UNKL: variants seen among roughly 807,000 people sequenced by gnomAD.
UNKL encodes unk like zinc finger.
In UNKL, 60 loss-of-function variants were observed where a neutral mutation model predicts 78.0. The ratio of observed to expected loss-of-function variants is 0.77; its 90% CI spans 0.63 to 0.95. UNKL has a LOEUF of 0.95. UNKL is among the 40% of genes least tolerant of loss of function. The pLI, the probability that UNKL is intolerant of heterozygous loss-of-function variation, is 0.00. For missense variants in UNKL, 1,159 were observed against 1,045.7 expected (o/e 1.11, Z -1.49); for synonymous variants, 608 against 474.8 (o/e 1.28, Z -3.65).
At position 1,387,277 on chromosome 16, in the gene UNKL, T is replaced by G. The variant is rs898611556; in HGVS notation, c.1087-1892A>C. Among the ~76,000 whole-genome samples, 2 of 152,124 alleles carry G rather than the reference T, an allele frequency of 1.3e-5. No individual in the cohort carries two copies. Among genetic ancestry groups the G allele is most frequent in the Non-Finnish European group, 2.9e-5 (2 of 68,000 alleles). On this transcript the variant is annotated intron_variant, in intron 9 of 14. Coordinates refer to ENST00000389221, the MANE Select transcript of UNKL (RefSeq NM_001372107.1). The surrounding 1 kb of genome is among the most constrained non-coding windows in gnomAD (Gnocchi z 4.1). ...GCCAATACCCCCTATCAATCCCCCATGGTGAGCCTGGTGACAGGGTTGCTG... is the reference window on the plus strand; with the variant it reads ...GCCAATACCCCCTATCAATCCCCCAGGGTGAGCCTGGTGACAGGGTTGCTG...
intron 6 of UNKL, 66 bp from the exon 7 acceptor site, chr16:1,394,281 G>A: frequency 2.0e-6 from 3 of 1,510,688 alleles, no homozygotes; most frequent in Middle Eastern, 1.7e-4. Flanking sequence ...ACCACAGCTG[G>A]CATCATCCCA....
chr16:1,377,144 T>A (rs1307743748), intron 10 of UNKL, among the ~76,000 whole-genome samples: 1 of 152,088 alleles, frequency 6.6e-6, no homozygotes, highest in African/African-American at 2.4e-5. Flanking sequence ...TGCCTCAGCC[T>A]CCTGAGCAGC....
Position 1,364,511 on chromosome 16 carries a change from GC to G in UNKL, c.*1728del, listed in dbSNP as rs1019591753. ...AGCCAGGTCGCCGTAAACCACAGAT[GC>G]CTGTTCCTGCTCAACTCCTAGGGAC... On this transcript the variant is annotated 3_prime_UTR_variant, in exon 15 of 15. Transcript: ENST00000389221. The G allele has an allele frequency of 3.9e-5, 6 of 152,370 alleles. No individual in the cohort carries two copies. The highest frequency in any genetic ancestry group is 1.4e-4 in the African/African-American group (6 of 41,578). 9.4% of individuals were successfully genotyped at this position (152,370 alleles called of 1,614,324 possible).
rs563553389 is a variant in UNKL, at chr16:1,366,163, C to T, written c.*77G>A. The T allele has an allele frequency of 7.5e-4, 1,046 of 1,400,238 alleles. No homozygotes were observed. Among genetic ancestry groups the T allele is most frequent in the Non-Finnish European group, 9.4e-4 (1,008 of 1,067,748 alleles). The allele number at this position is 1,400,238 out of a possible 1,614,324, so 86.7% of individuals were successfully genotyped here. On this transcript the variant is annotated 3_prime_UTR_variant, in exon 15 of 15. Coordinates refer to ENST00000389221, the MANE Select transcript of UNKL (RefSeq NM_001372107.1). ...GTCCTCACGTCGGTGGCACCAGAAG[C>T]GAGTGACGACATGTCCGTGGTCAGG...
chr16:1,397,046 G>C, intron 6 of UNKL, 132 bp downstream of exon 6: 1 of 972,014 alleles, frequency 1.0e-6, no homozygotes, highest in Non-Finnish European at 1.5e-6. Context: ...CCACCCCCAG[G>C]CTTCCCGACC....
chr16:1,413,069 G>C (rs957772013), intron 2 of UNKL, among the ~76,000 whole-genome samples: 6 of 151,944 alleles, frequency 3.9e-5, no homozygotes, highest in African/African-American at 1.5e-4. Context: ...GCAATGTAGT[G>C]AGACCCCATC....
rs1443290475 is a variant in UNKL at position 1,396,256 on chromosome 16, TTTTG to T, written c.852+918_852+921del. Among the ~76,000 whole-genome samples, 8 of 142,952 alleles carry T rather than the reference TTTTG, an allele frequency of 5.6e-5. 1 individual carries two copies. In the South Asian group the frequency reaches 1.3e-3, roughly 24 times the overall value. 93.8% of individuals were successfully genotyped at this position (142,952 alleles called of 152,430 possible). A position where few individuals can be genotyped will look rare whatever the true frequency, so the allele number is the denominator to read the frequency against. ...GTGCCTGGCCTGAACATGTGTTTTG[TTTTG>T]TTTTTTTTCCTTGAGATGGAGTCTC... On this transcript the variant is annotated intron_variant, in intron 6 of 14. Coordinates refer to ENST00000389221, the MANE Select transcript of UNKL (RefSeq NM_001372107.1).
intron 7 of UNKL, 108 bp downstream of exon 7, chr16:1,394,023 C>A (rs1331293144): frequency 8.5e-7 from 1 of 1,173,110 alleles, no homozygotes; most frequent in East Asian, 2.6e-5. Flanking sequence ...AGCTCCTGCC[C>A]GCCTTCCAGG....
chr16:1,376,457 T>A (rs1596679553), intron 10 of UNKL, among the ~76,000 whole-genome samples: 1 of 121,502 alleles, frequency 8.2e-6, no homozygotes, highest in South Asian at 2.8e-4. Flanking sequence ...GCTGGCACAC[T>A]CCTCCTCCCT....
At chr16:1,398,470 G>A (rs2037371600) in intron 5 of UNKL, 2 of 1,183,818 alleles carry the variant, frequency 1.7e-6, no homozygotes, top group Admixed American at 4.4e-5. Flanking sequence ...CTCGGAAGCT[G>A]CTCAGAGGGA....
At chr16:1,372,284 CA>C (rs752678819) in intron 10 of UNKL, among the ~76,000 whole-genome samples, 16 of 148,650 alleles carry the variant, frequency 1.1e-4, no homozygotes, top group South Asian at 2.1e-4. Context: ...AAAACAAAAA[CA>C]AAAAAAAAAC....
rs980468983 is a variant in UNKL at position 1,385,208 on chromosome 16, C to T, written c.1264G>A (p.Gly422Ser). ...GAAAGGAGGACGGTGCTGGACTTAC[C>T]GAGGACGGCCTCCACAGTGCTGCTG... ...PASSTVEAVLGSALDLHLSNV... is the reference protein window; with the variant it reads ...PASSTVEAVLSSALDLHLSNV... Residue 422 changes from glycine to serine, a missense_variant and splice_region_variant, in exon 10 of 15, where the codon GGT becomes AGT. Gly to Ser is a moderately conservative substitution (Grantham distance 56). Coordinates refer to ENST00000389221, the MANE Select transcript of UNKL (RefSeq NM_001372107.1). The T allele has an allele frequency of 1.8e-5, 23 of 1,280,528 alleles. No individual in the cohort carries two copies. The highest frequency in any genetic ancestry group is 2.3e-5 in the Non-Finnish European group (23 of 1,014,300). 79.3% of individuals were successfully genotyped at this position (1,280,528 alleles called of 1,614,324 possible). A position where few individuals can be genotyped will look rare whatever the true frequency, so the allele number is the denominator to read the frequency against.
chr16:1,414,680 A>G lies in UNKL; in HGVS notation c.12T>C (p.Val4=). MPS[V]SKAAAAALSG... is the part of the protein sequence containing the mutation. ...TCAGCGCCGCTGCCGCCGCTTTCGA[A>G]ACCGACGGCATTTTCAGTCAAAACA... The change falls in exon 1 of 15, where the codon GTT becomes GTC. Residue 4 remains valine, a synonymous_variant. Transcript: ENST00000389221. 3 of 1,148,216 alleles carry G rather than the reference A, an allele frequency of 2.6e-6. No homozygotes were observed. The highest frequency in any genetic ancestry group is 3.3e-6 in the Non-Finnish European group (3 of 921,804). The allele number at this position is 1,148,216 out of a possible 1,614,324, so 71.1% of individuals were successfully genotyped here.
intron 14 of UNKL, among the ~76,000 whole-genome samples, chr16:1,366,755 TGAG>T (rs2035291257): frequency 6.6e-6 from 1 of 150,522 alleles, no homozygotes; most frequent in African/African-American, 2.5e-5. Context: ...GCAGGCGAGG[TGAG>T]GAGGGGCACG....
Position 1,363,662 on chromosome 16 carries a change from G to T in UNKL, c.*2578C>A. On this transcript the variant is annotated 3_prime_UTR_variant, in exon 15 of 15. Transcript: ENST00000389221. ...CTCCACGGGGCACCTTCCAGCCACT[G>T]CTGTGCCTCAGCCACCTAGGAGCCA... is the stretch of plus-strand genomic sequence containing the variant. 5.4e-6 allele frequency: 1 copy of T among 183,940 alleles called. No homozygotes were observed. The highest frequency in any genetic ancestry group is 1.0e-4 in the South Asian group (1 of 9,948). 11.4% of individuals were successfully genotyped at this position (183,940 alleles called of 1,614,324 possible). A position where few individuals can be genotyped will look rare whatever the true frequency, so the allele number is the denominator to read the frequency against.
At chr16:1,393,313 G>A (rs2037127107) in intron 7 of UNKL, among the ~76,000 whole-genome samples, 1 of 152,138 alleles carries the variant, frequency 6.6e-6, no homozygotes, top group Non-Finnish European at 1.5e-5. Context: ...CTGGGAGGAG[G>A]AGGCCGTGTG....
At chr16:1,411,554 C>T (rs573418576) in intron 2 of UNKL, among the ~76,000 whole-genome samples, 2 of 151,710 alleles carry the variant, frequency 1.3e-5, no homozygotes, top group Non-Finnish European at 2.9e-5. Flanking sequence ...CAGCCGGGCG[C>T]GGTGGCTCAT....
At chr16:1,370,955 C>T (rs1280098270) in intron 11 of UNKL, among the ~76,000 whole-genome samples, 5 of 152,078 alleles carry the variant, frequency 3.3e-5, no homozygotes, top group Non-Finnish European at 7.4e-5. Flanking sequence ...TGGTGGCGGG[C>T]ACCTGTAGTC....
chr16:1,402,436 G>A (rs919166084), intron 3 of UNKL, among the ~76,000 whole-genome samples: 1 of 152,176 alleles, frequency 6.6e-6, no homozygotes, highest in Admixed American at 6.5e-5. Flanking sequence ...GCCGAGGCGG[G>A]CAGATCATGA....
Sources: allele counts gnomAD v4.1 joint callset (sites outside exome capture counted in the v4.1 genomes callset), GRCh38; gene constraint gnomAD v4.1.1; non-coding constraint Gnocchi (gnomAD v3.1); transcripts MANE v1.5; gene names NCBI Gene and HGNC (gene_info 2026-07-23, HGNC 2026-07-21).